Variants in KCNN3 observed in about 807,000 individuals in gnomAD.
KCNN3 encodes small conductance calcium-activated potassium channel protein 3.
In KCNN3, 16 loss-of-function variants were observed where a neutral mutation model predicts 62.9. That is an observed-to-expected ratio of 0.25 (90% confidence interval 0.17 to 0.39). KCNN3 has a LOEUF of 0.39. Ranked by LOEUF, KCNN3 falls within the 10% of genes least tolerant of loss-of-function variation. The probability of loss-of-function intolerance (pLI) is 1.00; values close to 1 mark genes in which losing one functional copy is unlikely to be tolerated. For missense variants in KCNN3, 599 were observed against 949.4 expected, an observed-to-expected ratio of 0.63 and a Z score of 4.85; for synonymous variants, 370 against 389.2, an observed-to-expected ratio of 0.95 and a Z score of 0.58.
chr1:154,771,018 C>T (rs897424095), intron 3 of KCNN3, among the ~76,000 whole-genome samples: 2 of 151,736 alleles, frequency 1.3e-5, no homozygotes. Flanking sequence ...GACTATGCCA[C>T]TGCACTCCAG....
chr1:154,812,570 G>A (rs926725677), intron 2 of KCNN3, among the ~76,000 whole-genome samples: 2 of 152,202 alleles, frequency 1.3e-5, no homozygotes, highest in African/African-American at 4.8e-5. Context: ...ATTCTATTAA[G>A]CTGAGCACTT....
rs1445742618 is a variant in KCNN3 at position 154,862,014 on chromosome 1, G to A, written c.933+7018C>T. On this transcript the variant is annotated intron_variant, in intron 1 of 7. Coordinates refer to ENST00000271915, the MANE Select transcript of KCNN3 (RefSeq NM_002249.6). This position sits in a 1 kb window ranked among gnomAD's most constrained non-coding sequence, Gnocchi z 4.1. ...ATGACAGAGCTCAACAGAGGCATGAGGCACAGACAGGGACGCAGGAAAATG... is the reference window on the plus strand; with the variant it reads ...ATGACAGAGCTCAACAGAGGCATGAAGCACAGACAGGGACGCAGGAAAATG... Among the ~76,000 whole-genome samples, 1 of 152,318 alleles carries A rather than the reference G, an allele frequency of 6.6e-6. No individual in the cohort carries two copies. The highest frequency in any genetic ancestry group is 1.5e-5 in the Non-Finnish European group (1 of 68,024).
chr1:154,744,150 T>C (rs1257239396), intron 3 of KCNN3, among the ~76,000 whole-genome samples: 2 of 152,154 alleles, frequency 1.3e-5, no homozygotes, highest in African/African-American at 2.4e-5. Context: ...TATTACAATA[T>C]AAGGTTCATG....
intron 3 of KCNN3, 49 bp from the exon 4 acceptor site, chr1:154,733,193 G>A: frequency 6.2e-7 from 1 of 1,604,962 alleles, no homozygotes; most frequent in Non-Finnish European, 8.5e-7. Context: ...ATTCCTGGGA[G>A]TAAGGGCTGT....
intron 3 of KCNN3, among the ~76,000 whole-genome samples, chr1:154,769,157 C>T (rs1202340120): frequency 6.6e-6 from 1 of 152,094 alleles, no homozygotes; most frequent in Non-Finnish European, 1.5e-5. Flanking sequence ...CACCCAAATG[C>T]CCCTCCAGGA....
At chr1:154,816,279 G>C (rs1650659829) in intron 2 of KCNN3, among the ~76,000 whole-genome samples, 1 of 152,216 alleles carries the variant, frequency 6.6e-6, no homozygotes, top group Non-Finnish European at 1.5e-5. Flanking sequence ...CCAGGCAAGA[G>C]TGGATCTCCA....
intron 1 of KCNN3, among the ~76,000 whole-genome samples, chr1:154,830,483 G>A (rs1651337078): frequency 2.0e-5 from 3 of 152,246 alleles, no homozygotes; most frequent in Non-Finnish European, 4.4e-5. Flanking sequence ...CTTTAGTGGT[G>A]TGATAGATGG....
intron 7 of KCNN3, among the ~76,000 whole-genome samples, chr1:154,709,159 A>G (rs1700024335): frequency 6.6e-6 from 1 of 151,958 alleles, no homozygotes; most frequent in African/African-American, 2.4e-5. Context: ...CTTCCCCAAC[A>G]TCCTGTGGCC....
chr1:154,809,684 T>C lies in KCNN3; in HGVS notation c.1029+12405A>G, dbSNP rs1238409169. 6.6e-6 allele frequency among the ~76,000 whole-genome samples: 1 copy of C among 152,020 alleles called. No individual in the cohort carries two copies. ...GCTAAAAGGCCTGGACAGACTAGAA[T>C]GAAGGGCTGAAACAGCTGCAGGGAA... On this transcript the variant is annotated intron_variant, in intron 2 of 7. Transcript: ENST00000271915. This position sits in a 1 kb window ranked among gnomAD's most constrained non-coding sequence, Gnocchi z 4.3.
chr1:154,739,364 G>T (rs1228614610), intron 3 of KCNN3, among the ~76,000 whole-genome samples: 4 of 152,138 alleles, frequency 2.6e-5, no homozygotes, highest in Admixed American at 2.6e-4. Flanking sequence ...GGATCTACTT[G>T]TATGTTCTCT....
chr1:154,850,546 G>A lies in KCNN3; in HGVS notation c.933+18486C>T, dbSNP rs778419454. On this transcript the variant is annotated intron_variant, in intron 1 of 7. Coordinates refer to ENST00000271915, the MANE Select transcript of KCNN3 (RefSeq NM_002249.6). ...GTGCAGTGGCTTCCCTGTGTGGTCC[G>A]TGAGAGCCCTGGGCCCTCTGCAGGC... 3.3e-5 allele frequency among the ~76,000 whole-genome samples: 5 copies of A among 152,278 alleles called. No homozygotes were observed. In the South Asian group the frequency reaches 8.3e-4, roughly 25 times the overall value.
intron 2 of KCNN3, among the ~76,000 whole-genome samples, chr1:154,786,686 A>C (rs1649295262): frequency 6.6e-6 from 1 of 152,230 alleles, no homozygotes; most frequent in African/African-American, 2.4e-5. Flanking sequence ...ACCTCTGGCT[A>C]AACACTAAAT....
At chr1:154,710,639 G>A (rs1700054901) in intron 7 of KCNN3, among the ~76,000 whole-genome samples, 1 of 152,216 alleles carries the variant, frequency 6.6e-6, no homozygotes, top group Admixed American at 6.5e-5. Context: ...TGGCACTGCA[G>A]AAATGCAGGC....
chr1:154,785,572 C>CTTTTTT (rs59033291), intron 2 of KCNN3, among the ~76,000 whole-genome samples: 74 of 107,958 alleles, frequency 6.9e-4, no homozygotes, highest in African/African-American at 1.8e-3. Context: ...TTTTCTTTTT[C>CTTTTTT]TTTTTTTTTT....
intron 3 of KCNN3, among the ~76,000 whole-genome samples, chr1:154,755,589 A>AAGGGAGGGAGGGAGGGGG (rs1553231036): frequency 1.7e-5 from 2 of 115,136 alleles, no homozygotes; most frequent in Non-Finnish European, 3.5e-5. Flanking sequence ...AGAAAGAAAG[A>AAGGGAGGGAGGGAGGGGG]AGGGAGGGAG....
chr1:154,771,506 C>T (rs903580970), intron 3 of KCNN3, among the ~76,000 whole-genome samples: 29 of 152,196 alleles, frequency 1.9e-4, no homozygotes, highest in Admixed American at 1.9e-3. Context: ...GTGAACCAAA[C>T]TTTGAGTAGC....
intron 2 of KCNN3, among the ~76,000 whole-genome samples, chr1:154,817,593 T>C (rs987913057): frequency 7.2e-5 from 11 of 152,340 alleles, no homozygotes; most frequent in Middle Eastern, 3.4e-3. Flanking sequence ...AACAGCATGA[T>C]TTGCGCCAAG....
intron 1 of KCNN3, among the ~76,000 whole-genome samples, chr1:154,825,667 TGA>T (rs1216735987): frequency 6.6e-6 from 1 of 151,116 alleles, no homozygotes; most frequent in Non-Finnish European, 1.5e-5. Context: ...CGCGCCCAGC[TGA>T]GAGTCATGTT....
At chr1:154,766,217 A>C (rs1648263972) in intron 3 of KCNN3, among the ~76,000 whole-genome samples, 1 of 151,528 alleles carries the variant, frequency 6.6e-6, no homozygotes, top group Admixed American at 6.6e-5. Context: ...AGCAGGCTTC[A>C]TCCCATGTGG....
Sources: allele counts gnomAD v4.1 joint callset (sites outside exome capture counted in the v4.1 genomes callset), GRCh38; gene constraint gnomAD v4.1.1; non-coding constraint Gnocchi (gnomAD v3.1); transcripts MANE v1.5; gene names NCBI Gene and HGNC (gene_info 2026-07-23, HGNC 2026-07-21).